The following XYLT1 variants were observed in gnomAD, a reference collection of about 807,000 sequenced individuals.
The protein encoded by XYLT1 is beta-D-xylosyltransferase 1.
In XYLT1, 36 loss-of-function variants were observed where a neutral mutation model predicts 91.3. The ratio of observed to expected loss-of-function variants is 0.39; its 90% CI spans 0.30 to 0.52. The LOEUF is 0.52. XYLT1 is among the 20% of genes least tolerant of loss of function. The pLI is 0.68. For missense variants in XYLT1, 1,242 were observed against 1,284.5 expected (o/e 0.97, Z 0.51); for synonymous variants, 588 against 532.0 (o/e 1.11, Z -1.45).
chr16:17,116,884 A>G (rs1966853301), intron 11 of XYLT1, among the ~76,000 whole-genome samples: 1 of 152,066 alleles, frequency 6.6e-6, no homozygotes, highest in African/African-American at 2.4e-5. Context: ...CATTTCTCCC[A>G]TTTTTAATGA....
At chr16:17,269,816 A>ATTC (rs1169822673) in intron 2 of XYLT1, among the ~76,000 whole-genome samples, 2 of 148,130 alleles carry the variant, frequency 1.4e-5, no homozygotes, top group Admixed American at 1.3e-4. Context: ...TATTATTATT[A>ATTC]TTATCATTAT....
intron 2 of XYLT1, among the ~76,000 whole-genome samples, chr16:17,275,003 C>A (rs528907441): frequency 6.6e-6 from 1 of 152,022 alleles, no homozygotes; most frequent in Non-Finnish European, 1.5e-5. Flanking sequence ...ATGGTGAAAC[C>A]CTGTCTCTAC....
intron 5 of XYLT1, among the ~76,000 whole-genome samples, chr16:17,174,058 C>G (rs995739305): frequency 6.6e-6 from 1 of 152,074 alleles, no homozygotes; most frequent in Admixed American, 6.5e-5. Context: ...GGGATGTTGA[C>G]GAACCCAAGA....
intron 2 of XYLT1, among the ~76,000 whole-genome samples, chr16:17,299,438 G>C (rs1473144840): frequency 1.3e-5 from 2 of 152,178 alleles, no homozygotes; most frequent in Admixed American, 6.5e-5. Flanking sequence ...CTTCCTCAAG[G>C]AACTTCCAGA....
At chr16:17,420,734 G>A (rs2036240978) in intron 1 of XYLT1, among the ~76,000 whole-genome samples, 1 of 152,078 alleles carries the variant, frequency 6.6e-6, no homozygotes, top group Non-Finnish European at 1.5e-5. Context: ...GAATGTGTGT[G>A]CATGTCATTT....
intron 5 of XYLT1, among the ~76,000 whole-genome samples, chr16:17,175,486 G>T (rs2031921940): frequency 6.6e-6 from 1 of 152,016 alleles, no homozygotes; most frequent in Non-Finnish European, 1.5e-5. Context: ...GCCTAGGTTA[G>T]ACAGCCCACA....
chr16:17,289,195 G>A (rs12920884), intron 2 of XYLT1, among the ~76,000 whole-genome samples: 15,105 of 152,246 alleles, frequency 0.099, 998 homozygotes, highest in Middle Eastern at 0.2. Context: ...GTCATAGGGC[G>A]TATGTAAATG....
At chr16:17,369,877 G>A (rs143627379) in intron 1 of XYLT1, among the ~76,000 whole-genome samples, 2 of 152,240 alleles carry the variant, frequency 1.3e-5, no homozygotes, top group East Asian at 3.9e-4. Context: ...TAGCTCTCTC[G>A]GAAGGAAGTG....
At chr16:17,149,692 C>T (rs1447684694) in intron 6 of XYLT1, among the ~76,000 whole-genome samples, 1 of 152,208 alleles carries the variant, frequency 6.6e-6, no homozygotes, top group African/African-American at 2.4e-5. Context: ...AAAGTCACAG[C>T]TAAATATTAT....
chr16:17,182,383 G>C (rs112007948), intron 5 of XYLT1, among the ~76,000 whole-genome samples: 3,721 of 152,232 alleles, frequency 0.024, 154 homozygotes, highest in African/African-American at 0.084. Context: ...GAGAAAGAGA[G>C]AGCGAGCTCT....
intron 2 of XYLT1, among the ~76,000 whole-genome samples, chr16:17,275,876 T>C (rs1353820947): frequency 6.6e-6 from 1 of 152,134 alleles, no homozygotes; most frequent in Non-Finnish European, 1.5e-5. Flanking sequence ...CCTGCCACAG[T>C]GGGTAATGAA....
At chr16:17,198,482 C>T in intron 4 of XYLT1, 68 bp from the exon 5 acceptor site, 2 of 1,485,204 alleles carry the variant, frequency 1.3e-6, no homozygotes, top group Non-Finnish European at 1.8e-6. Flanking sequence ...GCCCCTCACC[C>T]CTGTCCCCTC....
intron 2 of XYLT1, among the ~76,000 whole-genome samples, chr16:17,293,384 G>A (rs62033202): frequency 0.19 from 28,675 of 151,962 alleles, 3,025 homozygotes; most frequent in African/African-American, 0.24. Context: ...AGTTCCCCAG[G>A]GACAGTGGTA....
chr16:17,425,215 G>A lies in XYLT1; in HGVS notation c.363+45219C>T, dbSNP rs543434861. 5.3e-4 allele frequency among the ~76,000 whole-genome samples: 81 copies of A among 152,282 alleles called. 1 individual carries two copies. Among genetic ancestry groups the A allele is most frequent in the African/African-American group, 1.8e-3 (76 of 41,562 alleles). On this transcript the variant is annotated intron_variant, in intron 1 of 11. Coordinates refer to ENST00000261381, the MANE Select transcript of XYLT1 (RefSeq NM_022166.4). ...CCACCTCAATAAAATTTTACTCAGCGCTTGCAATTCCCCCAACTTCCTTCC... is the reference window on the plus strand; with the variant it reads ...CCACCTCAATAAAATTTTACTCAGCACTTGCAATTCCCCCAACTTCCTTCC...
intron 2 of XYLT1, among the ~76,000 whole-genome samples, chr16:17,283,495 C>A (rs528539458): frequency 1.1e-4 from 17 of 152,064 alleles, no homozygotes; most frequent in Non-Finnish European, 2.5e-4. Context: ...CGCACACACT[C>A]CTCGCCTGCC....
rs534470344 is a variant in XYLT1 at position 17,163,305 on chromosome 16, G to C, written c.1290-4396C>G. ...GTGTCTTATCTATATAACAGCTCTG[G>C]ACATGAAGATATGAAGGAAGAGAGG... On this transcript the variant is annotated intron_variant, in intron 5 of 11. Transcript: ENST00000261381. Among the ~76,000 whole-genome samples, 3 of 152,348 alleles carry C rather than the reference G, an allele frequency of 2.0e-5. 1 individual carries two copies. The South Asian group carries it at 6.2e-4, about 32-fold the overall frequency.
chr16:17,352,813 C>T (rs543668644), intron 2 of XYLT1, among the ~76,000 whole-genome samples: 1 of 152,344 alleles, frequency 6.6e-6, no homozygotes, highest in South Asian at 2.1e-4. Flanking sequence ...TCATCTGACT[C>T]TCCTAGAATG....
At chr16:17,188,078 T>C (rs976600685) in intron 5 of XYLT1, among the ~76,000 whole-genome samples, 1 of 152,028 alleles carries the variant, frequency 6.6e-6, no homozygotes, top group Non-Finnish European at 1.5e-5. Flanking sequence ...ACTAAAAGAC[T>C]TCATGGCTGC....
chr16:17,235,763 C>T (rs528897865), intron 3 of XYLT1, among the ~76,000 whole-genome samples: 2 of 152,296 alleles, frequency 1.3e-5, no homozygotes, highest in African/African-American at 4.8e-5. Context: ...TAAATTTGCA[C>T]CTTGAGTGTC....
Sources: allele counts gnomAD v4.1 joint callset (sites outside exome capture counted in the v4.1 genomes callset), GRCh38; gene constraint gnomAD v4.1.1; transcripts MANE v1.5; gene names NCBI Gene and HGNC (gene_info 2026-07-23, HGNC 2026-07-21).